The following MACF1 variants were observed in gnomAD, a reference collection of about 807,000 sequenced individuals.
The protein encoded by MACF1 is microtubule actin crosslinking factor 1.
In MACF1, 193 loss-of-function variants were observed where a neutral mutation model predicts 854.8. That is an observed-to-expected ratio of 0.23 (90% CI 0.20 to 0.25). The LOEUF (loss-of-function observed/expected upper bound fraction) is 0.25. Ranked by LOEUF, MACF1 falls within the 10% of genes least tolerant of loss-of-function variation. MACF1 has a pLI of 1.00. For synonymous variants in MACF1, 3,185 were observed against 3,226.7 expected, an observed-to-expected ratio of 0.99 and a Z score of 0.44; for missense variants, 7,722 against 8,929.1, an observed-to-expected ratio of 0.86 and a Z score of 5.45.
intron 89 of MACF1, 45 bp downstream of exon 89, chr1:39,455,142 G>T (rs377330278): frequency 1.3e-6 from 2 of 1,577,934 alleles, no homozygotes; most frequent in Admixed American, 3.4e-5. Flanking sequence ...TCCGTGTTGG[G>T]CATGGAGACC....
Position 39,387,612 on chromosome 1 carries a change from G to C in MACF1, c.14770G>C (p.Ala4924Pro). ...DLVPWIEDCK[A>P]KMSELRVTLD... ...TGTGCCATGGATAGAAGATTGTAAA[G>C]CTAAGATGTCTGAGTTGCGAGTCAC... Residue 4924 changes from alanine to proline, a missense_variant, in exon 58 of 101, where the codon GCT (alanine) becomes CCT (proline). Ala to Pro is a conservative substitution (Grantham distance 27). Coordinates refer to ENST00000564288, the MANE Select transcript of MACF1 (RefSeq NM_001394062.1). The C allele has an allele frequency of 6.2e-7, 1 of 1,614,146 alleles. No homozygotes were observed. The highest frequency in any genetic ancestry group is 8.5e-7 in the Non-Finnish European group (1 of 1,180,036).
intron 93 of MACF1, among the ~76,000 whole-genome samples, 165 bp from the exon 94 acceptor site, chr1:39,463,447 A>G (rs538889164): frequency 1.5e-4 from 23 of 151,534 alleles, no homozygotes; most frequent in Middle Eastern, 6.9e-3. Context: ...CCGAGATCGC[A>G]CCATTGCCCT....
At chr1:39,392,489 A>T (rs1203874446) in intron 58 of MACF1, among the ~76,000 whole-genome samples, 4 of 152,234 alleles carry the variant, frequency 2.6e-5, no homozygotes, top group Non-Finnish European at 4.4e-5. Flanking sequence ...AAATATTTTT[A>T]AAAACAGCAT....
At chr1:39,132,381 T>C (rs952825185) in intron 2 of MACF1, among the ~76,000 whole-genome samples, 2 of 152,158 alleles carry the variant, frequency 1.3e-5, no homozygotes, top group South Asian at 2.1e-4. Flanking sequence ...CTCTTTTCCC[T>C]GTATCCATCA....
At chr1:39,296,789 A>AGAGG (rs1645917891) in intron 20 of MACF1, among the ~76,000 whole-genome samples, 2 of 100,728 alleles carry the variant, frequency 2.0e-5, no homozygotes, top group East Asian at 5.4e-4. Context: ...AGAAAGAAAG[A>AGAGG]AAGGAAGGAA....
chr1:39,309,726 C>G (rs1184017269), intron 24 of MACF1, 30 bp downstream of exon 24: 1 of 1,594,572 alleles, frequency 6.3e-7, no homozygotes, highest in South Asian at 1.1e-5. Context: ...CCCAGGCTTA[C>G]ATTCCATTGG....
At chr1:39,209,418 T>C (rs1049427322) in intron 1 of MACF1, among the ~76,000 whole-genome samples, 1 of 152,172 alleles carries the variant, frequency 6.6e-6, no homozygotes, top group Admixed American at 6.5e-5. Context: ...TTTTATTAAA[T>C]CTCACATTGT....
chr1:39,090,635 G>A (rs925163608), intron 2 of MACF1, among the ~76,000 whole-genome samples: 4 of 152,244 alleles, frequency 2.6e-5, no homozygotes, highest in African/African-American at 9.6e-5. Flanking sequence ...GTATGGAATG[G>A]CAGTTTGGCT....
chr1:39,088,703 CAA>C (rs1218210773), intron 2 of MACF1, among the ~76,000 whole-genome samples: 5 of 152,100 alleles, frequency 3.3e-5, no homozygotes, highest in Admixed American at 6.6e-5. Context: ...AGGGTAGAAA[CAA>C]AGAGAGGAAG....
chr1:39,166,821 G>A (rs900800403), intron 2 of MACF1, among the ~76,000 whole-genome samples: 9 of 152,066 alleles, frequency 5.9e-5, no homozygotes, highest in Admixed American at 1.3e-4. Context: ...GGGTGGGGTG[G>A]GGAGAGATAA....
At chr1:39,160,040 C>G (rs56655403) in intron 2 of MACF1, among the ~76,000 whole-genome samples, 2,476 of 152,150 alleles carry the variant, frequency 0.016, 56 homozygotes, top group African/African-American at 0.056. Flanking sequence ...ACAGGTCGGG[C>G]ATGGTGGCTC....
chr1:39,241,369 A>G (rs1053252400), intron 2 of MACF1, among the ~76,000 whole-genome samples: 1 of 152,270 alleles, frequency 6.6e-6, no homozygotes, highest in African/African-American at 2.4e-5. Flanking sequence ...GCAGGTGTCA[A>G]TACTACGAGG....
chr1:39,380,492 A>G lies in MACF1; in HGVS notation c.13648+119A>G, dbSNP rs1178304111. ...TTTAGTTAATTTTTATAAATAAGCA[A>G]TTAGGATCCAGATAGGGCCAGAGCA... On this transcript the variant is annotated intron_variant, in intron 55 of 100. Transcript: ENST00000564288. The G allele has an allele frequency of 5.8e-6, 6 of 1,040,884 alleles. No homozygotes were observed. In the Admixed American group the frequency reaches 8.6e-5, roughly 15 times the overall value. The allele number at this position is 1,040,884 out of a possible 1,614,324, so 64.5% of individuals were successfully genotyped here.
chr1:39,130,775 TC>T (rs780132347), intron 2 of MACF1, among the ~76,000 whole-genome samples: 4 of 152,076 alleles, frequency 2.6e-5, no homozygotes, highest in Non-Finnish European at 5.9e-5. Flanking sequence ...AAATCAACGT[TC>T]CCTAGATGCT....
chr1:39,098,856 G>T (rs920721478), intron 2 of MACF1, among the ~76,000 whole-genome samples: 1 of 152,188 alleles, frequency 6.6e-6, no homozygotes, highest in African/African-American at 2.4e-5. Flanking sequence ...GCAGGCAAAG[G>T]CTTCTTACCC....
chr1:39,443,996 G>A (rs1644171749), intron 79 of MACF1, among the ~76,000 whole-genome samples: 1 of 152,146 alleles, frequency 6.6e-6, no homozygotes, highest in Non-Finnish European at 1.5e-5. Context: ...CATGAAAAGG[G>A]GAAATAGATT....
chr1:39,230,567 T>C (rs1405932170), intron 1 of MACF1, among the ~76,000 whole-genome samples: 1 of 150,850 alleles, frequency 6.6e-6, no homozygotes, highest in Non-Finnish European at 1.5e-5. Context: ...TTGACAGTCA[T>C]GTTTTTGTTA....
At position 39,219,187 on chromosome 1, in the gene MACF1, T is replaced by C. The variant is rs370273164; in HGVS notation, c.110-11995T>C. ...GTACTTTCTCAGCCTACACCAGTCA[T>C]TGGTGATAAATGCCTTTCATGAATC... On this transcript the variant is annotated intron_variant, in intron 1 of 100. Coordinates refer to ENST00000564288, the MANE Select transcript of MACF1 (RefSeq NM_001394062.1). Among the ~76,000 whole-genome samples the C allele has an allele frequency of 4.6e-5, 7 of 152,352 alleles. No homozygotes were observed. The East Asian group carries it at 1.2e-3, about 25-fold the overall frequency.
At chr1:39,422,929 G>C (rs1479478834) in intron 60 of MACF1, 29 bp downstream of exon 60, 1 of 1,604,520 alleles carries the variant, frequency 6.2e-7, no homozygotes, top group African/African-American at 1.3e-5. Context: ...ACAGTGAACT[G>C]TAACAGCCGT....
Sources: allele counts gnomAD v4.1 joint callset (sites outside exome capture counted in the v4.1 genomes callset), GRCh38; gene constraint gnomAD v4.1.1; transcripts MANE v1.5; gene names NCBI Gene and HGNC (gene_info 2026-07-23, HGNC 2026-07-21).